Variants in UBE2D3 observed in about 807,000 individuals in gnomAD.
UBE2D3 encodes the protein ubiquitin-conjugating enzyme E2 D3.
In UBE2D3, 2 loss-of-function variants were observed where a neutral mutation model predicts 22.8. The ratio of observed to expected loss-of-function variants is 0.09; its 90% CI spans 0.04 to 0.28. The LOEUF (loss-of-function observed/expected upper bound fraction) is 0.28, where lower values mean the gene tolerates loss of function less well. Ranked by LOEUF, UBE2D3 falls within the 10% of genes least tolerant of loss-of-function variation. The pLI is 1.00. For missense variants in UBE2D3, 27 were observed against 182.5 expected, an observed-to-expected ratio of 0.15 and a Z score of 4.91; for synonymous variants, 56 against 60.4, an observed-to-expected ratio of 0.93 and a Z score of 0.34.
At chr4:102,832,889 T>G (rs890748989) in intron 1 of UBE2D3, among the ~76,000 whole-genome samples, 1 of 151,690 alleles carries the variant, frequency 6.6e-6, no homozygotes, top group African/African-American at 2.4e-5. Context: ...TCCCAGCTGC[T>G]CTGGAAGCTG....
At chr4:102,809,036 A>AC (rs913051022) in intron 4 of UBE2D3, 6 of 167,450 alleles carry the variant, frequency 3.6e-5, no homozygotes, top group African/African-American at 1.4e-4. Flanking sequence ...AAAAAAAAAA[A>AC]AGTTAAATAT....
upstream of UBE2D3, among the ~76,000 whole-genome samples, chr4:102,828,923 G>T (rs776065099): frequency 6.6e-6 from 1 of 152,164 alleles, no homozygotes; most frequent in Non-Finnish European, 1.5e-5. Context: ...ATTCCTTAAT[G>T]ACCCCAGTTA....
rs55874314 is a variant in UBE2D3 at position 102,849,364 on chromosome 4, C to CAAA, written c.-129+19348_-129+19350dup. On this transcript the variant is annotated intron_variant, in intron 1 of 7. Coordinates refer to the UBE2D3 transcript ENST00000338145. ...GGGTGACAGAGTGAGACCCCTGTCT[C>CAAA]AAAAAAAAAAAAAAAAAAAAAGGAA... Among the ~76,000 whole-genome samples the CAAA allele has an allele frequency of 3.9e-3, 246 of 63,108 alleles. 3 individuals carry two copies. The highest frequency in any genetic ancestry group is 0.011 in the African/African-American group (209 of 18,330). The allele number at this position is 63,108 out of a possible 152,430, so 41.4% of individuals were successfully genotyped here. A position where few individuals can be genotyped will look rare whatever the true frequency, so the allele number is the denominator to read the frequency against.
chr4:102,827,658 A>C (rs1460786855), upstream of UBE2D3: 1 of 986,132 alleles, frequency 1.0e-6, no homozygotes, highest in Non-Finnish European at 1.2e-6. Context: ...GTGAGGCCGA[A>C]GCCAGACGGC....
intron 1 of UBE2D3, among the ~76,000 whole-genome samples, chr4:102,859,130 T>C (rs946534207): frequency 6.6e-6 from 1 of 151,962 alleles, no homozygotes; most frequent in Non-Finnish European, 1.5e-5. Context: ...CTTTTGTTTT[T>C]GTGGAAAAGT....
At chr4:102,857,313 G>A (rs1732675339) in intron 1 of UBE2D3, among the ~76,000 whole-genome samples, 1 of 152,172 alleles carries the variant, frequency 6.6e-6, no homozygotes. Flanking sequence ...GTAGACTGTT[G>A]CTATGGCCCA....
Position 102,798,880 on chromosome 4 carries a change from T to A in UBE2D3, c.398+527A>T, listed in dbSNP as rs193152685. The A allele has an allele frequency of 1.9e-6, 3 of 1,584,216 alleles. No individual in the cohort carries two copies. The African/African-American group carries it at 4.0e-5, about 21-fold the overall frequency. On this transcript the variant is annotated intron_variant, in intron 7 of 7. Transcript: ENST00000453744. The stretch of plus-strand genomic sequence containing the variant: ...TGCCTTAACGCATGCAGCACTCAAG[T>A]GCTGGCAGTACCATAATAAGCGCAC...
At chr4:102,826,754 A>G in intron 1 of UBE2D3, 118 bp from the exon 2 acceptor site, 1 of 1,418,326 alleles carries the variant, frequency 7.1e-7, no homozygotes, top group East Asian at 2.7e-5. Flanking sequence ...CAAAGCCACC[A>G]ACAGCCTCTG....
chr4:102,830,699 A>AT (rs1442458639), upstream of UBE2D3, among the ~76,000 whole-genome samples: 15 of 152,304 alleles, frequency 9.8e-5, no homozygotes, highest in African/African-American at 3.6e-4. Flanking sequence ...CCCAGTCTCT[A>AT]CAAAAATAAT....
At position 102,855,139 on chromosome 4, in the gene UBE2D3, G is replaced by A. The variant is rs547082323; in HGVS notation, c.-129+13576C>T. ...GATTTCAACACAGATCCTTACTAGA[G>A]AAACAGTAGCAAAGAGAGAGCATCA... On this transcript the variant is annotated intron_variant, in intron 1 of 7. Transcript: ENST00000338145. 3.9e-5 allele frequency among the ~76,000 whole-genome samples: 6 copies of A among 152,294 alleles called. No individual in the cohort carries two copies. The South Asian group carries it at 1.0e-3, about 26-fold the overall frequency.
intron 1 of UBE2D3, among the ~76,000 whole-genome samples, chr4:102,848,606 T>C (rs1732167750): frequency 6.6e-6 from 1 of 151,936 alleles, no homozygotes; most frequent in South Asian, 2.1e-4. Context: ...GATCACACCA[T>C]TGCACTCAAG....
chr4:102,798,296 A>G (rs1050169673), intron 7 of UBE2D3, among the ~76,000 whole-genome samples: 2 of 147,506 alleles, frequency 1.4e-5, no homozygotes, highest in Non-Finnish European at 3.0e-5. Context: ...ATATATATAT[A>G]TGCACAGGAG....
intron 1 of UBE2D3, among the ~76,000 whole-genome samples, chr4:102,838,807 C>CAAAAAAAA: frequency 1.8e-5 from 1 of 54,302 alleles, no homozygotes; most frequent in African/African-American, 7.3e-5. Context: ...CTGTGCTGGG[C>CAAAAAAAA]AAAAAAAAAA....
chr4:102,798,261 T>A (rs1725514767), intron 7 of UBE2D3, among the ~76,000 whole-genome samples: 2 of 137,230 alleles, frequency 1.5e-5, no homozygotes, highest in African/African-American at 2.7e-5. Flanking sequence ...CAAAAAACAG[T>A]GATAACCTTA....
At chr4:102,839,277 A>T (rs951391433) in intron 1 of UBE2D3, among the ~76,000 whole-genome samples, 1 of 152,040 alleles carries the variant, frequency 6.6e-6, no homozygotes, top group Non-Finnish European at 1.5e-5. Flanking sequence ...CTTCTTTCTT[A>T]CTTTTTTGAG....
chr4:102,827,000 C>T (rs1475159371), intron 1 of UBE2D3: 3 of 996,972 alleles, frequency 3.0e-6, no homozygotes, highest in Non-Finnish European at 2.4e-6. Flanking sequence ...GAGGGGGAAG[C>T]ATAAGACTCC....
intron 1 of UBE2D3, among the ~76,000 whole-genome samples, chr4:102,841,145 C>T (rs535627954): frequency 6.6e-6 from 1 of 152,160 alleles, no homozygotes; most frequent in Non-Finnish European, 1.5e-5. Flanking sequence ...ACAGATGGAA[C>T]TTTAGTGGAT....
intron 2 of UBE2D3, among the ~76,000 whole-genome samples, chr4:102,820,472 A>G (rs1467033672): frequency 2.6e-5 from 4 of 152,228 alleles, no homozygotes; most frequent in Non-Finnish European, 4.4e-5. Context: ...ATCTCACTGC[A>G]TCACTGACAA....
chr4:102,863,647 C>A (rs1417444261), intron 1 of UBE2D3, among the ~76,000 whole-genome samples: 1 of 151,986 alleles, frequency 6.6e-6, no homozygotes, highest in Non-Finnish European at 1.5e-5. Flanking sequence ...GTATGTGCTA[C>A]CACACCTGGC....
Sources: gnomAD v4.1 joint callset for allele counts (sites outside exome capture counted in the v4.1 genomes callset) on GRCh38, gnomAD v4.1.1 for gene constraint, MANE v1.5 for transcripts, NCBI Gene and HGNC (gene_info 2026-07-23, HGNC 2026-07-21) for gene names.